SCYL2: variants seen among roughly 807,000 people sequenced by gnomAD.
The protein encoded by SCYL2 is SCY1 like pseudokinase 2, also known as SCY1-like protein 2.
SCYL2 carries 36 observed loss-of-function variants against 100.4 expected under a neutral mutation model. That is an observed-to-expected ratio of 0.36 (90% confidence interval 0.27 to 0.47). The LOEUF (loss-of-function observed/expected upper bound fraction) is 0.47. Among genes scored for constraint, SCYL2 ranks in the 20% least tolerant of loss-of-function variants. The probability of loss-of-function intolerance (pLI) is 1.00; values close to 1 mark genes in which losing one functional copy is unlikely to be tolerated. For synonymous variants in SCYL2, 330 were observed against 359.2 expected, an observed-to-expected ratio of 0.92 and a Z score of 0.92; for missense variants, 902 against 1,083.9, an observed-to-expected ratio of 0.83 and a Z score of 2.36.
At chr12:100,328,628 C>CA (rs1408894095) in intron 12 of SCYL2, among the ~76,000 whole-genome samples, 1 of 152,146 alleles carries the variant, frequency 6.6e-6, no homozygotes, top group African/African-American at 2.4e-5. Context: ...GAAATGTACT[C>CA]AGTTTACCAA....
chr12:100,273,130 C>A (rs2135793115), intron 1 of SCYL2, among the ~76,000 whole-genome samples: 1 of 152,164 alleles, frequency 6.6e-6, no homozygotes, highest in African/African-American at 2.4e-5. Context: ...TGCCTGAAAC[C>A]CTTCTGTGGC....
intron 4 of SCYL2, among the ~76,000 whole-genome samples, chr12:100,308,321 G>A (rs2096337298): frequency 6.6e-6 from 1 of 152,168 alleles, no homozygotes; most frequent in African/African-American, 2.4e-5. Flanking sequence ...TAAAGGATGA[G>A]TTCACGTCCT....
At chr12:100,299,633 T>A (rs576755539) in intron 4 of SCYL2, among the ~76,000 whole-genome samples, 1 of 152,336 alleles carries the variant, frequency 6.6e-6, no homozygotes, top group East Asian at 1.9e-4. Flanking sequence ...CCTATTCTTT[T>A]TCGGTCTGGC....
At chr12:100,284,071 C>T (rs2096301850) in intron 2 of SCYL2, among the ~76,000 whole-genome samples, 2 of 152,162 alleles carry the variant, frequency 1.3e-5, no homozygotes, top group Admixed American at 1.3e-4. Context: ...GAACAACCTC[C>T]TCTGATTCTA....
chr12:100,334,953 G>A (rs1165253475), intron 14 of SCYL2, among the ~76,000 whole-genome samples: 1 of 151,902 alleles, frequency 6.6e-6, no homozygotes, highest in Admixed American at 6.6e-5. Context: ...AGGTCCCCAA[G>A]TAGAAACTCT....
intron 1 of SCYL2, among the ~76,000 whole-genome samples, chr12:100,280,638 G>A (rs2096297011): frequency 6.6e-6 from 1 of 152,114 alleles, no homozygotes; most frequent in Non-Finnish European, 1.5e-5. Flanking sequence ...TATTAATACA[G>A]GTTGAATATC....
chr12:100,289,135 T>C (rs1472680043), intron 2 of SCYL2, among the ~76,000 whole-genome samples: 2 of 152,196 alleles, frequency 1.3e-5, no homozygotes, highest in African/African-American at 2.4e-5. Flanking sequence ...TTCGAATTAG[T>C]GTTATGTAAA....
At chr12:100,274,436 T>C (rs1216584269) in intron 1 of SCYL2, among the ~76,000 whole-genome samples, 1 of 152,186 alleles carries the variant, frequency 6.6e-6, no homozygotes, top group Non-Finnish European at 1.5e-5. Flanking sequence ...TTCCTATATA[T>C]CTCTGTGACA....
At position 100,329,314 on chromosome 12, in the gene SCYL2, A is replaced by C; in HGVS notation, c.1756A>C (p.Asn586His). ...GAGTATTGAAAACAATCTTAATCTT[A>C]ATCAGGTAGGAGTATTTTTGTGCTT... is the stretch of plus-strand genomic sequence containing the variant. The part of the protein sequence containing the change: ...PLSIENNLNL[N>H]QFNSFISVIK... Residue 586 changes from asparagine (N) to histidine (H), a missense_variant, in exon 13 of 18, where the codon AAT (asparagine) becomes CAT (histidine). Coordinates refer to ENST00000360820, the MANE Select transcript of SCYL2 (RefSeq NM_017988.6). 6.8e-7 allele frequency: 1 copy of C among 1,472,500 alleles called. No individual in the cohort carries two copies. The highest frequency in any genetic ancestry group is 9.5e-7 in the Non-Finnish European group (1 of 1,052,258). The allele number at this position is 1,472,500 out of a possible 1,614,324, so 91.2% of individuals were successfully genotyped here.
At chr12:100,289,283 G>T (rs1284533055) in intron 2 of SCYL2, among the ~76,000 whole-genome samples, 1 of 152,092 alleles carries the variant, frequency 6.6e-6, no homozygotes, top group East Asian at 1.9e-4. Flanking sequence ...GTTTTGCTTT[G>T]GTGTTCCGTA....
intron 1 of SCYL2, among the ~76,000 whole-genome samples, chr12:100,272,557 T>C (rs2096288748): frequency 1.3e-5 from 2 of 152,196 alleles, no homozygotes; most frequent in South Asian, 4.1e-4. Flanking sequence ...TTGGCCTGCA[T>C]GTCTAAAAAC....
chr12:100,308,586 T>C (rs1024378328), intron 4 of SCYL2, among the ~76,000 whole-genome samples: 2 of 152,000 alleles, frequency 1.3e-5, no homozygotes, highest in African/African-American at 4.8e-5. Context: ...TGTATACCTA[T>C]GTAAAAAAAA....
intron 2 of SCYL2, among the ~76,000 whole-genome samples, chr12:100,285,725 C>T (rs1162970350): frequency 6.6e-6 from 1 of 152,144 alleles, no homozygotes; most frequent in Non-Finnish European, 1.5e-5. Context: ...AGCTTTCTAA[C>T]TGACTTAGTC....
In SCYL2 at chr12:100,339,917, A is replaced by AGAG. The variant is rs1268169369; in HGVS notation, c.*747_*749dup. Reference sequence around the variant, plus strand: ...CACTTTTTTCCTCCTGTATCAAGGAAGAGGTATGTGCTGATTTGTTTGGAT... The same window carrying AGAG: ...CACTTTTTTCCTCCTGTATCAAGGAAGAGGAGGTATGTGCTGATTTGTTTGGAT... On this transcript the variant is annotated 3_prime_UTR_variant, in exon 18 of 18. Transcript: ENST00000360820. 6.6e-6 allele frequency: 1 copy of AGAG among 152,522 alleles called. No homozygotes were observed. Among genetic ancestry groups the AGAG allele is most frequent in the Non-Finnish European group, 1.5e-5 (1 of 68,008 alleles). The allele number at this position is 152,522 out of a possible 1,614,324, so 9.4% of individuals were successfully genotyped here.
intron 3 of SCYL2, among the ~76,000 whole-genome samples, chr12:100,295,588 A>G (rs2096318896): frequency 6.6e-6 from 1 of 151,744 alleles, no homozygotes; most frequent in South Asian, 2.1e-4. Context: ...AATCGCAGGC[A>G]CTCGGCAGGC....
chr12:100,271,430 A>G (rs1435001585), intron 1 of SCYL2, among the ~76,000 whole-genome samples: 1 of 152,150 alleles, frequency 6.6e-6, no homozygotes, highest in East Asian at 1.9e-4. Flanking sequence ...TCTTGAATGT[A>G]ATTCTTAATT....
chr12:100,338,920 T>G lies in SCYL2; in HGVS notation c.2538T>G (p.Pro846=). The G allele has an allele frequency of 6.2e-7, 1 of 1,614,102 alleles. No homozygotes were observed. The highest frequency in any genetic ancestry group is 8.5e-7 in the Non-Finnish European group (1 of 1,179,978). Residue 846 remains proline (P), a synonymous_variant, in exon 18 of 18, where the codon CCT becomes CCG. Transcript: ENST00000360820. ...DMSALNNLFG[P]QKPKVSMNQL... is the part of the protein sequence containing the mutation. Reference sequence around the variant, plus strand: ...CTGCCCTTAATAATCTCTTTGGCCCTCAGAAACCCAAAGTTAGCATGAACC... The same window carrying G: ...CTGCCCTTAATAATCTCTTTGGCCCGCAGAAACCCAAAGTTAGCATGAACC...
intron 1 of SCYL2, among the ~76,000 whole-genome samples, chr12:100,273,000 C>T (rs2096289133): frequency 6.6e-6 from 1 of 152,046 alleles, no homozygotes; most frequent in African/African-American, 2.4e-5. Flanking sequence ...TTTATATATT[C>T]TGAATTATAA....
In SCYL2 at chr12:100,303,988, T is replaced by C. The variant is rs12581478; in HGVS notation, c.480+5813T>C. On this transcript the variant is annotated intron_variant, in intron 4 of 17. Coordinates refer to ENST00000360820, the MANE Select transcript of SCYL2 (RefSeq NM_017988.6). Reference sequence around the variant, plus strand: ...GGAGGAATCTAGAGAGCTAGTCTGGTTATAGTGGCTTTGCAGCTGCAGTGG... The same window carrying C: ...GGAGGAATCTAGAGAGCTAGTCTGGCTATAGTGGCTTTGCAGCTGCAGTGG... 2.2e-3 allele frequency among the ~76,000 whole-genome samples: 333 copies of C among 152,188 alleles called. 4 individuals are homozygous for C. The East Asian group carries it at 0.037, about 17-fold the overall frequency.
Sources: gnomAD v4.1 joint callset for allele counts (sites outside exome capture counted in the v4.1 genomes callset) on GRCh38, gnomAD v4.1.1 for gene constraint, MANE v1.5 for transcripts, NCBI Gene and HGNC (gene_info 2026-07-23, HGNC 2026-07-21) for gene names.